The following TCF20 variants were observed in gnomAD, a reference collection of about 807,000 sequenced individuals.
The protein encoded by TCF20 is transcription factor 20.
In TCF20, 3 loss-of-function variants were observed where a neutral mutation model predicts 148.6. The observed-to-expected ratio is 0.02, with a 90% CI of 0.01 to 0.05. The LOEUF is 0.05. Among genes scored for constraint, TCF20 ranks in the 10% least tolerant of loss-of-function variants. TCF20 has a pLI of 1.00. For missense variants in TCF20, 2,350 were observed against 2,429.3 expected, an observed-to-expected ratio of 0.97 and a Z score of 0.69; for synonymous variants, 1,049 against 909.5, an observed-to-expected ratio of 1.15 and a Z score of -2.76.
intron 1 of TCF20, among the ~76,000 whole-genome samples, chr22:42,282,990 T>C (rs541255520): frequency 1.3e-5 from 2 of 152,358 alleles, no homozygotes; most frequent in South Asian, 4.1e-4. Flanking sequence ...GGGAAACCAC[T>C]GGTGCCAAAT....
intron 1 of TCF20, among the ~76,000 whole-genome samples, chr22:42,325,945 A>G (rs1325455064): frequency 6.6e-6 from 1 of 152,108 alleles, no homozygotes; most frequent in Non-Finnish European, 1.5e-5. Flanking sequence ...TGAGTAAGAC[A>G]TGGTTTCTCC....
At chr22:42,269,463 C>T (rs1926471640) in intron 1 of TCF20, among the ~76,000 whole-genome samples, 2 of 152,196 alleles carry the variant, frequency 1.3e-5, no homozygotes, top group South Asian at 4.1e-4. Flanking sequence ...CTCCTCGGCA[C>T]CGCCCCCCAA....
intron 1 of TCF20, among the ~76,000 whole-genome samples, chr22:42,249,971 T>G (rs1049013018): frequency 2.0e-5 from 3 of 152,114 alleles, no homozygotes; most frequent in Admixed American, 1.3e-4. Flanking sequence ...CATCAAAACG[T>G]AGAAGCCAGG....
In TCF20 at chr22:42,279,482, A is replaced by G. The variant is rs1490415080; in HGVS notation, c.-37+4345T>C. On this transcript the variant is annotated intron_variant, in intron 1 of 5. Transcript: ENST00000359486. This position sits in a 1 kb window ranked among gnomAD's most constrained non-coding sequence, Gnocchi z 4.3. ...ACAGAGCGACTCCCTCTCAATAAAT[A>G]AAATAAAATAAGGAAGGACAGAGGG... is the stretch of plus-strand genomic sequence containing the variant. 6.6e-6 allele frequency among the ~76,000 whole-genome samples: 1 copy of G among 152,130 alleles called. No individual in the cohort carries two copies. The highest frequency in any genetic ancestry group is 1.5e-5 in the Non-Finnish European group (1 of 68,014).
chr22:42,309,225 T>A (rs910907415), intron 1 of TCF20, among the ~76,000 whole-genome samples: 1 of 151,964 alleles, frequency 6.6e-6, no homozygotes, highest in African/African-American at 2.4e-5. Context: ...CCCCAGAGAT[T>A]TACAGACAGC....
At position 42,304,020 on chromosome 22, in the gene TCF20, T is replaced by C. The variant is rs375141260; in HGVS notation, c.-37+39459A>G. ...CAGTCTAGCTGTGCCCGGGAAGGTC[T>C]GCCCCACCCCCCTGCCGCAAGAACA... On this transcript the variant is annotated intron_variant, in intron 1 of 1. Transcript: ENST00000515426. 3.3e-4 allele frequency among the ~76,000 whole-genome samples: 50 copies of C among 152,118 alleles called. 1 individual carries two copies. The highest frequency in any genetic ancestry group is 1.2e-3 in the African/African-American group (49 of 41,486).
chr22:42,269,649 A>G (rs1926483913), intron 1 of TCF20: 1 of 152,382 alleles, frequency 6.6e-6, no homozygotes, highest in Non-Finnish European at 1.5e-5. Context: ...CCCGGCTTGC[A>G]CACCCCGCCC....
chr22:42,190,769 C>T (rs544140598), intron 2 of TCF20, among the ~76,000 whole-genome samples: 36 of 124,734 alleles, frequency 2.9e-4, no homozygotes, highest in African/African-American at 1.1e-3. Context: ...CCTCAGCTAT[C>T]TGCTTTACTA....
intron 1 of TCF20, among the ~76,000 whole-genome samples, chr22:42,242,357 A>C (rs1161015544): frequency 6.6e-6 from 1 of 152,022 alleles, no homozygotes; most frequent in Non-Finnish European, 1.5e-5. Flanking sequence ...AATAAGAGAT[A>C]TCACCAAAGA....
At position 42,290,930 on chromosome 22, in the gene TCF20, C is replaced by T. The variant is rs1927121470; in HGVS notation, c.-37+52549G>A. On this transcript the variant is annotated intron_variant, in intron 1 of 1. Coordinates refer to the TCF20 transcript ENST00000515426. The surrounding 1 kb of genome is among the most constrained non-coding windows in gnomAD (Gnocchi z 4.2). ...CCCCTCTTACCTTACCTCGGTACAA[C>T]CTCAGTACAACCATGAGAGGCAGCT... is the stretch of plus-strand genomic sequence containing the variant. Among the ~76,000 whole-genome samples, 2 of 152,162 alleles carry T rather than the reference C, an allele frequency of 1.3e-5. No individual in the cohort carries two copies. The highest frequency in any genetic ancestry group is 4.8e-5 in the African/African-American group (2 of 41,420).
At chr22:42,250,900 G>C (rs1185517805) in intron 1 of TCF20, among the ~76,000 whole-genome samples, 1 of 152,226 alleles carries the variant, frequency 6.6e-6, no homozygotes, top group Admixed American at 6.5e-5. Context: ...CACATCACAT[G>C]ATGAGGACTG....
chr22:42,295,605 G>C (rs573903676), intron 1 of TCF20, among the ~76,000 whole-genome samples: 1 of 151,998 alleles, frequency 6.6e-6, no homozygotes, highest in Non-Finnish European at 1.5e-5. Flanking sequence ...CACCACGCCC[G>C]GCTAATTTTG....
rs546144462 is a variant in TCF20 at position 42,212,739 on chromosome 22, G to A, written c.2567C>T (p.Pro856Leu). The A allele has an allele frequency of 1.9e-6, 3 of 1,614,214 alleles. No individual in the cohort carries two copies. The highest frequency in any genetic ancestry group is 2.5e-6 in the Non-Finnish European group (3 of 1,180,032). Residue 856 changes from proline (P) to leucine (L), a missense_variant, in exon 2 of 6, where the codon CCT becomes CTT. Around this residue, in one of 7 missense-constraint regions of TCF20, gnomAD observed 1,641 missense variants for 1,662.6 expected, o/e 0.99. Transcript: ENST00000677622. ...TCTTCTTTCAGAGAGGGAACCCCCA[G>A]GCTCATGTGCTGATGACTGAGGCTC... ...EIEPQSSAHE[P>L]GGSLSERRSV...
intron 1 of TCF20, among the ~76,000 whole-genome samples, chr22:42,231,731 C>A (rs997146660): frequency 1.4e-4 from 21 of 152,140 alleles, no homozygotes; most frequent in African/African-American, 3.6e-4. Context: ...AGATCAAGAC[C>A]ATCCTGGCTA....
chr22:42,247,168 G>A (rs115665543), intron 1 of TCF20, among the ~76,000 whole-genome samples: 2,617 of 151,848 alleles, frequency 0.017, 83 homozygotes, highest in African/African-American at 0.059. Context: ...GGCTGCACGC[G>A]GTGGCTCATA....
In TCF20 at chr22:42,338,272, C is replaced by T. The variant is rs1282080335; in HGVS notation, c.-37+5207G>A. ...CCAGAAGAGGGCCGGAGAAACTTTT[C>T]GTCTGAATGGAGGTCGGCTGCACAG... On this transcript the variant is annotated intron_variant, in intron 1 of 1. Coordinates refer to the TCF20 transcript ENST00000515426. The surrounding 1 kb of genome is among the most constrained non-coding windows in gnomAD (Gnocchi z 4.0). 6.6e-6 allele frequency among the ~76,000 whole-genome samples: 1 copy of T among 152,260 alleles called. No individual in the cohort carries two copies. Among genetic ancestry groups the T allele is most frequent in the African/African-American group, 2.4e-5 (1 of 41,470 alleles).
intron 1 of TCF20, among the ~76,000 whole-genome samples, chr22:42,238,376 T>G (rs982232627): frequency 1.3e-5 from 2 of 152,370 alleles, no homozygotes; most frequent in African/African-American, 2.4e-5. Flanking sequence ...TGATTTTCCA[T>G]CTGAGTCACT....
intron 1 of TCF20, among the ~76,000 whole-genome samples, chr22:42,324,043 GTGGTGGTGGTGGTGGTGATGGAGGTTA>G (rs1927810582): frequency 2.4e-5 from 1 of 41,276 alleles, no homozygotes; most frequent in Non-Finnish European, 6.3e-5. Flanking sequence ...GGAGGTTATG[GTGGTGGTGGTGGTGGTGATGGAGGTTA>G]TGGTGGTGGT....
At chr22:42,183,930 A>G (rs1230250028) in intron 2 of TCF20, among the ~76,000 whole-genome samples, 2 of 151,936 alleles carry the variant, frequency 1.3e-5, no homozygotes, top group African/African-American at 4.8e-5. Flanking sequence ...CACCACGCCC[A>G]GCTAATCTTT....
Sources: gnomAD v4.1 joint callset for allele counts (sites outside exome capture counted in the v4.1 genomes callset) on GRCh38, gnomAD v4.1.1 for gene constraint, gnomAD v4.1.1 regional missense constraint, Gnocchi (gnomAD v3.1) non-coding constraint, MANE v1.5 for transcripts, NCBI Gene and HGNC (gene_info 2026-07-23, HGNC 2026-07-21) for gene names.